The following NALF1 variants were observed in gnomAD, a reference collection of about 807,000 sequenced individuals.
The protein encoded by NALF1 is NALCN channel auxiliary factor 1, also known as family with sequence similarity 155 member A.
A neutral mutation model predicts 48.4 loss-of-function variants in NALF1; 3 were observed. That is an observed-to-expected ratio of 0.06 (90% CI 0.03 to 0.16). The LOEUF (loss-of-function observed/expected upper bound fraction) is 0.16. NALF1 is among the 10% of genes least tolerant of loss of function. The pLI, the probability that NALF1 is intolerant of heterozygous loss-of-function variation, is 1.00. For missense variants in NALF1, 526 were observed against 571.5 expected (o/e 0.92, Z 0.81); for synonymous variants, 262 against 245.7 (o/e 1.07, Z -0.62).
intron 1 of NALF1, among the ~76,000 whole-genome samples, chr13:107,714,803 A>G (rs371201141): frequency 5.1e-4 from 77 of 152,236 alleles, no homozygotes; most frequent in African/African-American, 1.7e-3. Flanking sequence ...TGCCGTATCC[A>G]TGACATCATG....
chr13:107,655,554 G>GA (rs1273042080), intron 1 of NALF1, among the ~76,000 whole-genome samples: 1 of 152,018 alleles, frequency 6.6e-6, no homozygotes, highest in African/African-American at 2.4e-5. Flanking sequence ...TGGATGGCTA[G>GA]AAATTAATAT....
intron 1 of NALF1, among the ~76,000 whole-genome samples, chr13:107,569,985 C>A (rs1240677616): frequency 2.0e-5 from 3 of 151,834 alleles, no homozygotes; most frequent in African/African-American, 7.3e-5. Context: ...TAAAAAAAAT[C>A]TCTGTTTCAA....
At chr13:107,800,514 C>T (rs1036181488) in intron 1 of NALF1, among the ~76,000 whole-genome samples, 7 of 142,924 alleles carry the variant, frequency 4.9e-5, no homozygotes, top group African/African-American at 1.5e-4. Context: ...ATAAACCAAG[C>T]ATTTGCATCT....
chr13:107,288,749 T>G (rs1393730498), intron 1 of NALF1, among the ~76,000 whole-genome samples: 1 of 151,526 alleles, frequency 6.6e-6, no homozygotes, highest in East Asian at 1.9e-4. Context: ...GTCAGGCTGG[T>G]CTTGAAGTCC....
chr13:107,367,463 G>T (rs1303312838), intron 1 of NALF1, among the ~76,000 whole-genome samples: 1 of 152,160 alleles, frequency 6.6e-6, no homozygotes, highest in Non-Finnish European at 1.5e-5. Context: ...CTGCTTGGAT[G>T]TATGAATCAG....
At chr13:107,222,564 C>T (rs1880016664) in intron 1 of NALF1, among the ~76,000 whole-genome samples, 1 of 152,104 alleles carries the variant, frequency 6.6e-6, no homozygotes, top group African/African-American at 2.4e-5. Flanking sequence ...TGTGTGTGTT[C>T]GCCCCGCTTA....
intron 1 of NALF1, among the ~76,000 whole-genome samples, chr13:107,239,700 G>A (rs998110728): frequency 2.6e-5 from 4 of 152,194 alleles, no homozygotes; most frequent in African/African-American, 9.7e-5. Context: ...TGGTCTTACT[G>A]GGTGAAAATA....
intron 1 of NALF1, among the ~76,000 whole-genome samples, chr13:107,222,574 AG>A (rs1388682508): frequency 6.6e-6 from 1 of 151,352 alleles, no homozygotes; most frequent in African/African-American, 2.4e-5. Flanking sequence ...CGCCCCGCTT[AG>A]GAGAAGCCCG....
At chr13:107,348,053 C>T (rs1397361298) in intron 1 of NALF1, among the ~76,000 whole-genome samples, 1 of 152,206 alleles carries the variant, frequency 6.6e-6, no homozygotes, top group Non-Finnish European at 1.5e-5. Flanking sequence ...GCATCTAGTT[C>T]AGAACATGCT....
At position 107,164,501 on chromosome 13, in the gene NALF1, A is replaced by G. The variant is rs969532019; in HGVS notation, c.*5996T>C. The G allele has an allele frequency of 1.3e-5, 2 of 150,706 alleles. No homozygotes were observed. Among genetic ancestry groups the G allele is most frequent in the African/African-American group, 2.4e-5 (1 of 41,252 alleles). 9.3% of individuals were successfully genotyped at this position (150,706 alleles called of 1,614,324 possible). ...TCAGAGGCATCAAATATTTATATAT[A>G]TTTTTTGATCTATGAGTGCCTTAAA... On this transcript the variant is annotated 3_prime_UTR_variant, in exon 3 of 3. Transcript: ENST00000375915.
intron 1 of NALF1, among the ~76,000 whole-genome samples, chr13:107,323,202 T>A (rs1882290104): frequency 6.6e-6 from 1 of 152,156 alleles, no homozygotes; most frequent in Admixed American, 6.6e-5. Flanking sequence ...TTGCAAATGC[T>A]TCCGTGCTAT....
chr13:107,579,345 C>T (rs1441395825), intron 1 of NALF1, among the ~76,000 whole-genome samples: 3 of 152,218 alleles, frequency 2.0e-5, no homozygotes, highest in Non-Finnish European at 4.4e-5. Flanking sequence ...CCTGCCTAGG[C>T]CTCCCAAAGT....
At chr13:107,483,493 A>G (rs1028164908) in intron 1 of NALF1, among the ~76,000 whole-genome samples, 4 of 152,188 alleles carry the variant, frequency 2.6e-5, no homozygotes, top group Non-Finnish European at 4.4e-5. Flanking sequence ...TCTGATTTCT[A>G]TATGTTACAG....
intron 1 of NALF1, among the ~76,000 whole-genome samples, chr13:107,396,256 T>C (rs940626138): frequency 3.3e-5 from 5 of 152,140 alleles, no homozygotes; most frequent in African/African-American, 9.7e-5. Flanking sequence ...TCTCCAAATA[T>C]AGTCAGATTG....
intron 1 of NALF1, among the ~76,000 whole-genome samples, chr13:107,781,308 G>T (rs1028422008): frequency 6.6e-6 from 1 of 152,236 alleles, no homozygotes; most frequent in Non-Finnish European, 1.5e-5. Context: ...CTATATGACA[G>T]AGTATCTACT....
At chr13:107,471,669 T>C (rs537619800) in intron 1 of NALF1, among the ~76,000 whole-genome samples, 1 of 152,358 alleles carries the variant, frequency 6.6e-6, no homozygotes, top group South Asian at 2.1e-4. Context: ...ATAAGCTCTC[T>C]AATCAATGTG....
intron 1 of NALF1, among the ~76,000 whole-genome samples, chr13:107,429,823 T>C (rs776509283): frequency 6.6e-6 from 1 of 152,178 alleles, no homozygotes; most frequent in Non-Finnish European, 1.5e-5. Flanking sequence ...TATAAATACA[T>C]GTACAATCTC....
At chr13:107,309,364 T>C (rs1433459327) in intron 1 of NALF1, among the ~76,000 whole-genome samples, 1 of 152,242 alleles carries the variant, frequency 6.6e-6, no homozygotes, top group Non-Finnish European at 1.5e-5. Flanking sequence ...TTTTGACCAC[T>C]TGAATTATGA....
chr13:107,637,873 T>C (rs1449574606), intron 1 of NALF1, among the ~76,000 whole-genome samples: 1 of 152,104 alleles, frequency 6.6e-6, no homozygotes, highest in African/African-American at 2.4e-5. Context: ...TCTGTCTACC[T>C]CATCCATTTT....
Sources: gnomAD v4.1 joint callset for allele counts (sites outside exome capture counted in the v4.1 genomes callset) on GRCh38, gnomAD v4.1.1 for gene constraint, MANE v1.5 for transcripts, NCBI Gene and HGNC (gene_info 2026-07-23, HGNC 2026-07-21) for gene names.